Variants in ERC2 observed in about 807,000 individuals in gnomAD.
The protein encoded by ERC2 is ELKS/RAB6-interacting/CAST family member 2, also known as ERC protein 2.
In ERC2, 42 loss-of-function variants were observed where a neutral mutation model predicts 114.8. The observed-to-expected ratio is 0.37, with a 90% CI of 0.29 to 0.47. The LOEUF is 0.47. Ranked by LOEUF, ERC2 falls within the 20% of genes least tolerant of loss-of-function variation. The probability of loss-of-function intolerance (pLI) is 0.99; values close to 1 mark genes in which losing one functional copy is unlikely to be tolerated. For missense variants in ERC2, 939 were observed against 1,150.7 expected, an observed-to-expected ratio of 0.82 and a Z score of 2.66; for synonymous variants, 454 against 425.5, an observed-to-expected ratio of 1.07 and a Z score of -0.82.
intron 3 of ERC2, among the ~76,000 whole-genome samples, chr3:56,185,456 G>T (rs2083538256): frequency 6.6e-6 from 1 of 152,176 alleles, no homozygotes; most frequent in African/African-American, 2.4e-5. Flanking sequence ...GAGGGAAATT[G>T]TGTCCCCAGG....
intron 4 of ERC2, among the ~76,000 whole-genome samples, chr3:56,169,588 T>C (rs1338274849): frequency 1.3e-5 from 2 of 152,170 alleles, no homozygotes; most frequent in Admixed American, 6.5e-5. Flanking sequence ...AGGGATGGAA[T>C]GAGAGAAAAT....
chr3:56,049,545 A>G (rs1476513485), intron 7 of ERC2, among the ~76,000 whole-genome samples: 1 of 152,194 alleles, frequency 6.6e-6, no homozygotes, highest in Non-Finnish European at 1.5e-5. Context: ...TGGGAAAGGC[A>G]GACTCAACCT....
At chr3:55,620,241 T>G (rs2059272106) in intron 17 of ERC2, among the ~76,000 whole-genome samples, 1 of 152,224 alleles carries the variant, frequency 6.6e-6, no homozygotes, top group Admixed American at 6.5e-5. Flanking sequence ...TTATGATTTT[T>G]GCTTTAGATG....
intron 7 of ERC2, among the ~76,000 whole-genome samples, chr3:56,057,057 A>G (rs767235921): frequency 2.0e-5 from 3 of 152,058 alleles, no homozygotes; most frequent in Non-Finnish European, 4.4e-5. Flanking sequence ...TCTTCCTCCC[A>G]TTTCCCCAAT....
chr3:56,271,209 C>A (rs1339807883), intron 3 of ERC2, among the ~76,000 whole-genome samples: 2 of 152,160 alleles, frequency 1.3e-5, no homozygotes, highest in Non-Finnish European at 1.5e-5. Context: ...ATGAACTCCT[C>A]CTGGTTTTCC....
At chr3:55,849,087 C>T (rs529997699) in intron 14 of ERC2, among the ~76,000 whole-genome samples, 24 of 152,298 alleles carry the variant, frequency 1.6e-4, no homozygotes, top group African/African-American at 5.5e-4. Flanking sequence ...GTTCTCAAAA[C>T]ATGGTCTGCA....
chr3:56,136,380 G>A (rs902741403), intron 6 of ERC2, among the ~76,000 whole-genome samples: 19 of 152,096 alleles, frequency 1.2e-4, no homozygotes, highest in African/African-American at 4.3e-4. Context: ...AAATTGCAAG[G>A]AGCTATCACA....
intron 17 of ERC2, among the ~76,000 whole-genome samples, chr3:55,594,419 C>T (rs757306584): frequency 3.3e-5 from 5 of 152,052 alleles, no homozygotes; most frequent in Non-Finnish European, 7.4e-5. Context: ...GAAAGAATCT[C>T]CTAGTGGCTG....
chr3:55,664,661 A>G (rs2061284196), intron 17 of ERC2, among the ~76,000 whole-genome samples: 1 of 152,134 alleles, frequency 6.6e-6, no homozygotes, highest in African/African-American at 2.4e-5. Flanking sequence ...CCAAGGATCC[A>G]TTTCAGGCTC....
intron 12 of ERC2, among the ~76,000 whole-genome samples, chr3:55,953,984 G>A (rs2067761084): frequency 6.8e-6 from 1 of 147,062 alleles, no homozygotes; most frequent in Non-Finnish European, 1.5e-5. Context: ...AGACTGCAAT[G>A]CCTTCTTACT....
chr3:56,158,235 A>G (rs1192267680), intron 4 of ERC2, among the ~76,000 whole-genome samples: 1 of 152,186 alleles, frequency 6.6e-6, no homozygotes, highest in Non-Finnish European at 1.5e-5. Context: ...AGTGGGGACA[A>G]GTGACTTGCC....
intron 13 of ERC2, among the ~76,000 whole-genome samples, chr3:55,929,909 G>A (rs955000590): frequency 3.3e-5 from 5 of 152,290 alleles, no homozygotes; most frequent in Admixed American, 3.3e-4. Context: ...TACAGCCTGT[G>A]GAACTGTGAG....
intron 14 of ERC2, among the ~76,000 whole-genome samples, chr3:55,745,413 G>A (rs930608728): frequency 6.6e-6 from 1 of 152,136 alleles, no homozygotes; most frequent in Non-Finnish European, 1.5e-5. Context: ...TTCTTCCATT[G>A]GAAAAAAATA....
chr3:56,195,950 G>A (rs932981472), intron 3 of ERC2, among the ~76,000 whole-genome samples: 6 of 152,188 alleles, frequency 3.9e-5, no homozygotes, highest in Non-Finnish European at 8.8e-5. Context: ...GACAGCAGGG[G>A]ACAAAGGAGG....
intron 8 of ERC2, among the ~76,000 whole-genome samples, chr3:56,011,230 C>CT (rs2072910305): frequency 6.6e-6 from 1 of 152,222 alleles, no homozygotes; most frequent in African/African-American, 2.4e-5. Flanking sequence ...ATCCAAAACA[C>CT]TGGCTGAGTT....
rs1054829096 is a variant in ERC2 at position 56,215,268 on chromosome 3, C to T, written c.1075-41748G>A. Among the ~76,000 whole-genome samples, 67 of 152,268 alleles carry T rather than the reference C, an allele frequency of 4.4e-4. 1 individual carries two copies. The highest frequency in any genetic ancestry group is 3.4e-3 in the Middle Eastern group (1 of 294). ...AACCCATCTCATGTGTAGAGACACA[C>T]ATAGGCTCAAAATAAAGGGATGGAG... On this transcript the variant is annotated intron_variant, in intron 3 of 17. Transcript: ENST00000288221.
chr3:55,708,645 G>A (rs1242035143), intron 15 of ERC2, among the ~76,000 whole-genome samples: 2 of 152,162 alleles, frequency 1.3e-5, no homozygotes, highest in African/African-American at 4.8e-5. Context: ...CTACTACAGT[G>A]TGGAAACATT....
intron 2 of ERC2, among the ~76,000 whole-genome samples, chr3:56,384,755 A>G (rs2059875837): frequency 6.6e-6 from 1 of 152,142 alleles, no homozygotes; most frequent in Non-Finnish European, 1.5e-5. Context: ...TTGGTGTCCT[A>G]CCTAAGATAT....
chr3:55,745,180 G>T (rs927864459), intron 14 of ERC2, among the ~76,000 whole-genome samples: 4 of 152,188 alleles, frequency 2.6e-5, no homozygotes, highest in Admixed American at 1.3e-4. Flanking sequence ...TTGGAGAGGA[G>T]TCTGCTGACC....
Sources: allele counts gnomAD v4.1 joint callset (sites outside exome capture counted in the v4.1 genomes callset), GRCh38; gene constraint gnomAD v4.1.1; transcripts MANE v1.5; gene names NCBI Gene and HGNC (gene_info 2026-07-23, HGNC 2026-07-21).